Variants in AOX1 observed in about 807,000 individuals in gnomAD.
The protein encoded by AOX1 is aldehyde oxidase.
AOX1 carries 153 observed loss-of-function variants against 169.5 expected under a neutral mutation model. The ratio of observed to expected loss-of-function variants is 0.90; its 90% confidence interval spans 0.79 to 1.03. AOX1 has a LOEUF of 1.03. Ranked by LOEUF, AOX1 falls within the 50% of genes least tolerant of loss-of-function variation. AOX1 has a pLI of 0.00. For missense variants in AOX1, 1,656 were observed against 1,663.9 expected (o/e 1.00, Z 0.08); for synonymous variants, 562 against 581.9 (o/e 0.97, Z 0.49).
In AOX1 at chr2:200,623,945, G is replaced by A. The variant is rs907183167; in HGVS notation, c.2086G>A (p.Val696Ile). 7 of 1,614,058 alleles carry A rather than the reference G, an allele frequency of 4.3e-6. No individual in the cohort carries two copies. The African/African-American group carries it at 8.0e-5, about 18-fold the overall frequency. The change falls in exon 19 of 35, where the codon GTC (valine) becomes ATC (isoleucine). Residue 696 changes from valine (V) to isoleucine (I), a missense_variant. By Grantham distance (29) the Val-to-Ile change is conservative. Coordinates refer to ENST00000374700, the MANE Select transcript of AOX1 (RefSeq NM_001159.4). ...GCGAGCTGCTAAGCGAGTGAAGATT[G>A]TCTATCAAGACTTGGAGCCGCTGAT... Reference protein sequence around the residue: ...AKRAAKRVKIVYQDLEPLILT... With the variant: ...AKRAAKRVKIIYQDLEPLILT...
At chr2:200,681,010 C>T (rs2036148217), downstream of AOX1, among the ~76,000 whole-genome samples, 1 of 152,104 alleles carries the variant, frequency 6.6e-6, no homozygotes, top group Non-Finnish European at 1.5e-5. Flanking sequence ...GGCAATAAGT[C>T]CCTCCAATTT....
intron 26 of AOX1, among the ~76,000 whole-genome samples, chr2:200,651,475 G>A (rs2035579776): frequency 6.6e-6 from 1 of 152,274 alleles, no homozygotes; most frequent in Non-Finnish European, 1.5e-5. Context: ...AACAGGAGTT[G>A]GCAAATGGCA....
intron 29 of AOX1, among the ~76,000 whole-genome samples, chr2:200,660,525 T>C (rs1227602225): frequency 6.6e-6 from 1 of 152,130 alleles, no homozygotes; most frequent in African/African-American, 2.4e-5. Context: ...CATCCAGTAA[T>C]AGGTACTCAA....
At chr2:200,662,583 T>C (rs1269858744) in intron 30 of AOX1, among the ~76,000 whole-genome samples, 1 of 152,160 alleles carries the variant, frequency 6.6e-6, no homozygotes, top group Non-Finnish European at 1.5e-5. Flanking sequence ...AGCAGTAAGA[T>C]GGACATTCAG....
chr2:200,624,288 A>T (rs1418331905), intron 19 of AOX1, among the ~76,000 whole-genome samples: 1 of 152,172 alleles, frequency 6.6e-6, no homozygotes, highest in Non-Finnish European at 1.5e-5. Context: ...CCAGCATTCT[A>T]AGCACAAATC....
intron 1 of AOX1, among the ~76,000 whole-genome samples, chr2:200,586,754 CT>C (rs761625478): frequency 7.2e-5 from 11 of 152,356 alleles, no homozygotes; most frequent in Non-Finnish European, 1.3e-4. Context: ...CTCCAAGGTC[CT>C]CACGGGTTCC....
At chr2:200,628,073 G>T (rs1210338002) in intron 20 of AOX1, among the ~76,000 whole-genome samples, 1 of 151,914 alleles carries the variant, frequency 6.6e-6, no homozygotes, top group African/African-American at 2.4e-5. Context: ...TAGCTTTCCA[G>T]TACAATTCCT....
intron 4 of AOX1, among the ~76,000 whole-genome samples, chr2:200,598,213 A>C (rs1373138091): frequency 6.6e-6 from 1 of 152,140 alleles, no homozygotes; most frequent in Non-Finnish European, 1.5e-5. Context: ...ATGTGCATTG[A>C]GGGATATAAT....
chr2:200,603,118 G>T, intron 6 of AOX1, 149 bp from the exon 7 acceptor site: 1 of 620,620 alleles, frequency 1.6e-6, no homozygotes, highest in South Asian at 2.2e-5. Flanking sequence ...ATTAATGTTG[G>T]TTTGGATATG....
chr2:200,623,807 A>G, intron 18 of AOX1, 54 bp from the exon 19 acceptor site: 1 of 1,610,416 alleles, frequency 6.2e-7, no homozygotes, highest in South Asian at 1.1e-5. Flanking sequence ...AATGAATAAA[A>G]GAGAGGACCT....
At chr2:200,659,121 G>A (rs1005714735) in intron 27 of AOX1, 44 bp from the exon 28 acceptor site, 1 of 1,602,952 alleles carries the variant, frequency 6.2e-7, no homozygotes, top group African/African-American at 1.3e-5. Context: ...ACAGGTCTGT[G>A]ACTAATCAAA....
intron 2 of AOX1, among the ~76,000 whole-genome samples, chr2:200,594,548 G>T (rs1213742744): frequency 6.6e-6 from 1 of 152,186 alleles, no homozygotes; most frequent in Non-Finnish European, 1.5e-5. Context: ...ACTAATGGAG[G>T]CCCAGCCCTC....
At chr2:200,608,355 A>G (rs1356178477) in intron 10 of AOX1, among the ~76,000 whole-genome samples, 4 of 152,238 alleles carry the variant, frequency 2.6e-5, no homozygotes, top group Non-Finnish European at 5.9e-5. Flanking sequence ...AAAGATGAAT[A>G]TAACACAGTC....
At chr2:200,671,525 A>T (rs924981905), downstream of AOX1, 2 of 152,248 alleles carry the variant, frequency 1.3e-5, no homozygotes, top group African/African-American at 4.8e-5. Flanking sequence ...TCCAAAGAAG[A>T]TATATAAATG....
downstream of AOX1, chr2:200,679,456 G>A (rs2036135177): frequency 8.6e-6 from 1 of 116,846 alleles, no homozygotes; most frequent in Non-Finnish European, 1.8e-5. Flanking sequence ...AATGGGTTTA[G>A]GTAGCTTCTC....
chr2:200,635,974 G>A (rs1223073365), intron 21 of AOX1, among the ~76,000 whole-genome samples: 8 of 152,004 alleles, frequency 5.3e-5, no homozygotes, highest in East Asian at 1.9e-4. Context: ...AACCTCATCC[G>A]TCTCAGGCTT....
At chr2:200,676,851 C>T (rs1235117016) in intron 4 of AOX1, 1 of 461,678 alleles carries the variant, frequency 2.2e-6, no homozygotes, top group Non-Finnish European at 4.5e-6. Context: ...CCGGAAGCTG[C>T]TTCATCCACT....
chr2:200,597,397 G>C lies in AOX1; in HGVS notation c.201G>C (p.Arg67Ser), dbSNP rs767028799. Reference protein sequence around the residue: ...SRYNPITKRIRHHPANACLIP... With the variant: ...SRYNPITKRISHHPANACLIP... Reference sequence around the variant, plus strand: ...TGTGCTTTTCTTTTGCATTCTGAAGGCATCACCCAGCCAATGCCTGTCTGA... The same window carrying C: ...TGTGCTTTTCTTTTGCATTCTGAAGCCATCACCCAGCCAATGCCTGTCTGA... The change falls in exon 4 of 35, where the codon AGG becomes AGC. Residue 67 changes from arginine to serine, a missense_variant and splice_region_variant. Physicochemically the swap from Arg to Ser is moderately radical, Grantham distance 110. Transcript: ENST00000374700. 2.7e-5 allele frequency: 43 copies of C among 1,599,576 alleles called. No homozygotes were observed. Among genetic ancestry groups the C allele is most frequent in the Non-Finnish European group, 3.5e-5 (41 of 1,172,214 alleles).
intron 1 of AOX1, among the ~76,000 whole-genome samples, chr2:200,591,496 C>T (rs1378686676): frequency 6.6e-6 from 1 of 152,218 alleles, no homozygotes; most frequent in African/African-American, 2.4e-5. Context: ...AAGTCCAACG[C>T]ACCCCCTGGA....
Sources: gnomAD v4.1 joint callset for allele counts (sites outside exome capture counted in the v4.1 genomes callset) on GRCh38, gnomAD v4.1.1 for gene constraint, MANE v1.5 for transcripts, NCBI Gene and HGNC (gene_info 2026-07-23, HGNC 2026-07-21) for gene names.